Variants in CNTNAP2 observed in about 807,000 individuals in gnomAD.
CNTNAP2 encodes contactin-associated protein-like 2.
In CNTNAP2, 98 loss-of-function variants were observed where a neutral mutation model predicts 155.2. The observed-to-expected ratio is 0.63, with a 90% confidence interval of 0.54 to 0.75. The LOEUF (loss-of-function observed/expected upper bound fraction) is 0.75. CNTNAP2 is among the 30% of genes least tolerant of loss of function. The pLI, the probability that CNTNAP2 is intolerant of heterozygous loss-of-function variation, is 0.00. For missense variants in CNTNAP2, 1,727 were observed against 1,688.1 expected (o/e 1.02, Z -0.40); for synonymous variants, 651 against 631.2 (o/e 1.03, Z -0.47).
chr7:147,117,918 T>A (rs1013864304), intron 5 of CNTNAP2, among the ~76,000 whole-genome samples: 2 of 152,058 alleles, frequency 1.3e-5, no homozygotes, highest in Non-Finnish European at 2.9e-5. Flanking sequence ...TTACATAAAA[T>A]ATTATTTTTT....
intron 15 of CNTNAP2, among the ~76,000 whole-genome samples, chr7:148,016,439 C>T (rs1802178431): frequency 6.6e-6 from 1 of 152,212 alleles, no homozygotes; most frequent in Admixed American, 6.5e-5. Context: ...TCCAGTGACA[C>T]CAGCTCCTGC....
chr7:148,361,707 T>A (rs114134167), intron 21 of CNTNAP2, among the ~76,000 whole-genome samples: 4,443 of 152,278 alleles, frequency 0.029, 175 homozygotes, highest in African/African-American at 0.092. Flanking sequence ...ATTGTATTAG[T>A]CCGTTCTCAC....
chr7:147,886,970 A>G (rs543955655), intron 13 of CNTNAP2, among the ~76,000 whole-genome samples: 17 of 152,200 alleles, frequency 1.1e-4, no homozygotes, highest in Non-Finnish European at 2.1e-4. Flanking sequence ...GTTAGGCAGA[A>G]TGTCACATCC....
intron 13 of CNTNAP2, among the ~76,000 whole-genome samples, chr7:147,671,246 C>T (rs1261041096): frequency 6.6e-6 from 1 of 152,182 alleles, no homozygotes; most frequent in Non-Finnish European, 1.5e-5. Context: ...ATGAGGCACC[C>T]GGTTGCAAGT....
intron 1 of CNTNAP2, among the ~76,000 whole-genome samples, chr7:146,669,985 T>C (rs1800272834): frequency 1.3e-5 from 2 of 152,146 alleles, no homozygotes; most frequent in Admixed American, 6.6e-5. Context: ...TAAAAGAACA[T>C]ACATTAATGT....
chr7:146,542,403 T>G (rs1204284194), intron 1 of CNTNAP2, among the ~76,000 whole-genome samples: 2 of 151,944 alleles, frequency 1.3e-5, no homozygotes, highest in African/African-American at 4.8e-5. Context: ...CTCATTTAGA[T>G]CTACATGTTC....
chr7:147,075,583 C>T (rs535906553), intron 4 of CNTNAP2, among the ~76,000 whole-genome samples: 1 of 151,996 alleles, frequency 6.6e-6, no homozygotes, highest in Non-Finnish European at 1.5e-5. Context: ...GTATGAAATA[C>T]CATAACATTT....
At chr7:146,745,102 A>G (rs1004709249) in intron 1 of CNTNAP2, among the ~76,000 whole-genome samples, 1 of 152,188 alleles carries the variant, frequency 6.6e-6, no homozygotes, top group African/African-American at 2.4e-5. Flanking sequence ...AACCATAACA[A>G]TATTAATAGA....
intron 18 of CNTNAP2, among the ~76,000 whole-genome samples, chr7:148,194,964 C>T (rs1428362136): frequency 1.3e-5 from 2 of 152,132 alleles, no homozygotes; most frequent in Non-Finnish European, 1.5e-5. Context: ...CAAGATGACA[C>T]ATGATATTAA....
chr7:146,919,735 G>A (rs1017313208), intron 3 of CNTNAP2, among the ~76,000 whole-genome samples: 8 of 152,154 alleles, frequency 5.3e-5, no homozygotes, highest in East Asian at 1.9e-4. Context: ...GGCAGTGGGC[G>A]GGGCATACAG....
intron 1 of CNTNAP2, among the ~76,000 whole-genome samples, chr7:146,372,058 A>G (rs1263198967): frequency 1.3e-5 from 2 of 152,148 alleles, no homozygotes; most frequent in African/African-American, 4.8e-5. Context: ...TGTAAAGAAG[A>G]CCCTATATTT....
At position 147,926,992 on chromosome 7, in the gene CNTNAP2, A is replaced by G. The variant is rs1800408191; in HGVS notation, c.2255+23271A>G. On this transcript the variant is annotated intron_variant, in intron 14 of 23. Coordinates refer to ENST00000361727, the MANE Select transcript of CNTNAP2 (RefSeq NM_014141.6). ...TTAATTACTAATAAATGCCAGAGAA[A>G]CATGTTTAAATTGACATTCACTTCC... 2.6e-5 allele frequency among the ~76,000 whole-genome samples: 4 copies of G among 152,230 alleles called. No homozygotes were observed. In the South Asian group the frequency reaches 8.3e-4, roughly 31 times the overall value.
chr7:146,606,293 A>G (rs1387386518), intron 1 of CNTNAP2, among the ~76,000 whole-genome samples: 1 of 152,182 alleles, frequency 6.6e-6, no homozygotes, highest in Non-Finnish European at 1.5e-5. Flanking sequence ...GTAAAAAGTG[A>G]CATGAGTTCT....
chr7:146,587,966 G>A (rs1045419923), intron 1 of CNTNAP2, among the ~76,000 whole-genome samples: 3 of 151,504 alleles, frequency 2.0e-5, no homozygotes, highest in East Asian at 1.9e-4. Flanking sequence ...GAGCCACTGC[G>A]CCCGGCCTGA....
chr7:148,017,639 G>A (rs10952722), intron 15 of CNTNAP2, among the ~76,000 whole-genome samples: 59,774 of 152,018 alleles, frequency 0.39, 12,399 homozygotes, highest in East Asian at 0.74. Flanking sequence ...GTGTCTGACT[G>A]GGATCTAAAC....
intron 1 of CNTNAP2, among the ~76,000 whole-genome samples, chr7:146,368,711 C>T (rs1288188387): frequency 1.3e-5 from 2 of 152,034 alleles, no homozygotes; most frequent in African/African-American, 4.8e-5. Context: ...TTCACAAAGT[C>T]ATTTCCTATC....
chr7:147,383,635 G>A lies in CNTNAP2; in HGVS notation c.1499-11974G>A, dbSNP rs934890636. Among the ~76,000 whole-genome samples the A allele has an allele frequency of 3.9e-5, 6 of 152,160 alleles. No homozygotes were observed. The South Asian group carries it at 8.3e-4, about 21-fold the overall frequency. On this transcript the variant is annotated intron_variant, in intron 9 of 23. Coordinates refer to ENST00000361727, the MANE Select transcript of CNTNAP2 (RefSeq NM_014141.6). ...GGGCCTGTCGGGGTGGGGAGCAAGGGGAGGGGAGAGCATTAAGACAAATAC... is the reference window on the plus strand; with the variant it reads ...GGGCCTGTCGGGGTGGGGAGCAAGGAGAGGGGAGAGCATTAAGACAAATAC...
chr7:146,215,783 A>T (rs1201097931), intron 1 of CNTNAP2, among the ~76,000 whole-genome samples: 1 of 152,178 alleles, frequency 6.6e-6, no homozygotes, highest in East Asian at 1.9e-4. Context: ...GAACTTATTG[A>T]ATTCAGACAA....
At chr7:147,850,672 A>G (rs1169180195) in intron 13 of CNTNAP2, among the ~76,000 whole-genome samples, 3 of 152,368 alleles carry the variant, frequency 2.0e-5, no homozygotes, top group East Asian at 1.9e-4. Context: ...GAAATGGGGA[A>G]AAGATTCCCT....
Sources: gnomAD v4.1 joint callset for allele counts (sites outside exome capture counted in the v4.1 genomes callset) on GRCh38, gnomAD v4.1.1 for gene constraint, MANE v1.5 for transcripts, NCBI Gene and HGNC (gene_info 2026-07-23, HGNC 2026-07-21) for gene names.